Variants in FSTL1 observed in about 807,000 individuals in gnomAD.
FSTL1 encodes follistatin-related protein 1.
In FSTL1, 24 loss-of-function variants were observed where a neutral mutation model predicts 45.9. The ratio of observed to expected loss-of-function variants is 0.52; its 90% confidence interval spans 0.38 to 0.74. The LOEUF (loss-of-function observed/expected upper bound fraction) is 0.74, where lower values mean the gene tolerates loss of function less well. Ranked by LOEUF, FSTL1 falls within the 30% of genes least tolerant of loss-of-function variation. The pLI, the probability that FSTL1 is intolerant of heterozygous loss-of-function variation, is 0.00. For synonymous variants in FSTL1, 120 were observed against 137.6 expected, an observed-to-expected ratio of 0.87 and a Z score of 0.89; for missense variants, 340 against 381.8, an observed-to-expected ratio of 0.89 and a Z score of 0.91.
At chr3:120,428,768 A>G (rs1284825338) in intron 2 of FSTL1, among the ~76,000 whole-genome samples, 8 of 151,686 alleles carry the variant, frequency 5.3e-5, no homozygotes, top group Middle Eastern at 6.8e-3. Context: ...AACAACAACA[A>G]CAACAAAAAA....
intron 2 of FSTL1, among the ~76,000 whole-genome samples, chr3:120,446,784 T>G (rs1346486957): frequency 6.6e-6 from 1 of 152,180 alleles, no homozygotes; most frequent in Non-Finnish European, 1.5e-5. Flanking sequence ...TTAAGAAACG[T>G]GGCCTCAGGA....
At chr3:120,406,628 T>G (rs4676779) in intron 6 of FSTL1, among the ~76,000 whole-genome samples, 1 of 151,936 alleles carries the variant, frequency 6.6e-6, no homozygotes, top group Non-Finnish European at 1.5e-5. Flanking sequence ...CAGGCCAGAG[T>G]TGTATGTAGA....
intron 2 of FSTL1, among the ~76,000 whole-genome samples, chr3:120,444,448 G>A (rs1937693916): frequency 6.7e-6 from 1 of 149,430 alleles, no homozygotes. Context: ...TAAGGGAGAG[G>A]GTAATGGTAA....
chr3:120,444,556 T>C (rs144945463), intron 2 of FSTL1, among the ~76,000 whole-genome samples: 2,285 of 150,006 alleles, frequency 0.015, 35 homozygotes, highest in Non-Finnish European at 0.023. Flanking sequence ...GGATATTTCA[T>C]CCAGTGCCTT....
At position 120,396,152 on chromosome 3, in the gene FSTL1, C is replaced by T. The variant is rs2107646948; in HGVS notation, c.*800G>A. ...CCTGCACCAGGAAGAACCCCAAACT[C>T]CTTCCACCTATGAAGTGGTGGGACT... On this transcript the variant is annotated 3_prime_UTR_variant, in exon 11 of 11. Transcript: ENST00000295633. 1 of 146,804 alleles carries T rather than the reference C, an allele frequency of 6.8e-6. No homozygotes were observed. The allele number at this position is 146,804 out of a possible 1,614,324, so 9.1% of individuals were successfully genotyped here.
intron 2 of FSTL1, among the ~76,000 whole-genome samples, chr3:120,416,669 T>C (rs1210120460): frequency 2.0e-5 from 3 of 152,206 alleles, no homozygotes; most frequent in Non-Finnish European, 2.9e-5. Flanking sequence ...AAAAGAAGGA[T>C]GGCTAAACCA....
intron 2 of FSTL1, among the ~76,000 whole-genome samples, chr3:120,417,326 T>C (rs1046806228): frequency 2.6e-5 from 4 of 152,198 alleles, no homozygotes; most frequent in African/African-American, 7.2e-5. Flanking sequence ...CGAGCTGAGG[T>C]GCTGTATCCA....
At chr3:120,415,581 G>GT (rs1205655664) in intron 3 of FSTL1, among the ~76,000 whole-genome samples, 1 of 152,162 alleles carries the variant, frequency 6.6e-6, no homozygotes, top group Non-Finnish European at 1.5e-5. Flanking sequence ...TGTGGAACAT[G>GT]TATCAAATTG....
intron 3 of FSTL1, among the ~76,000 whole-genome samples, chr3:120,412,791 T>C (rs950684100): frequency 2.0e-5 from 3 of 148,500 alleles, no homozygotes; most frequent in Non-Finnish European, 3.0e-5. Flanking sequence ...GAGAGGCTGA[T>C]AGGCAGGCAG....
At chr3:120,429,257 G>A (rs923571269) in intron 2 of FSTL1, among the ~76,000 whole-genome samples, 1 of 152,234 alleles carries the variant, frequency 6.6e-6, no homozygotes, top group African/African-American at 2.4e-5. Context: ...AGGAGAGTTT[G>A]TGCTGAAGAG....
At chr3:120,407,197 T>A (rs1645387897) in intron 6 of FSTL1, among the ~76,000 whole-genome samples, 2 of 152,168 alleles carry the variant, frequency 1.3e-5, no homozygotes, top group South Asian at 4.1e-4. Flanking sequence ...TGTCATGAGA[T>A]CTGTTCTTGG....
At chr3:120,422,545 T>A (rs574706338) in intron 2 of FSTL1, among the ~76,000 whole-genome samples, 214 of 152,286 alleles carry the variant, frequency 1.4e-3, no homozygotes, top group Middle Eastern at 3.4e-3. Context: ...TCATTTACAG[T>A]CTCTTCAGGT....
Position 120,441,691 on chromosome 3 carries a change from C to T in FSTL1, c.63+8993G>A, listed in dbSNP as rs575524907. 1.8e-3 allele frequency among the ~76,000 whole-genome samples: 272 copies of T among 152,358 alleles called. 1 individual carries two copies. The highest frequency in any genetic ancestry group is 6.4e-3 in the African/African-American group (265 of 41,584). ...ACACATGTACACACACACACACGCA[C>T]CCATGGCTTTTGGAGTTCGTCCCCT... is the stretch of plus-strand genomic sequence containing the variant. On this transcript the variant is annotated intron_variant, in intron 2 of 10. Transcript: ENST00000295633.
intron 3 of FSTL1, among the ~76,000 whole-genome samples, chr3:120,412,503 T>C (rs1223758517): frequency 6.6e-6 from 1 of 152,186 alleles, no homozygotes; most frequent in African/African-American, 2.4e-5. Context: ...TCAAATCTGC[T>C]TGCACCTCAA....
chr3:120,419,684 G>C (rs947263183), intron 2 of FSTL1: 1 of 152,298 alleles, frequency 6.6e-6, no homozygotes, highest in African/African-American at 2.4e-5. Context: ...GATTGGGTAG[G>C]TAACATGATG....
intron 2 of FSTL1, among the ~76,000 whole-genome samples, chr3:120,432,382 C>G (rs925803762): frequency 6.6e-6 from 1 of 152,102 alleles, no homozygotes; most frequent in East Asian, 1.9e-4. Flanking sequence ...CTTATGCTGG[C>G]CAATCAGGCC....
At chr3:120,401,393 C>T (rs770036813) in intron 9 of FSTL1, among the ~76,000 whole-genome samples, 9 of 152,112 alleles carry the variant, frequency 5.9e-5, no homozygotes, top group Admixed American at 2.0e-4. Flanking sequence ...TCCTGGGCAG[C>T]GGTAGACCAG....
intron 2 of FSTL1, among the ~76,000 whole-genome samples, chr3:120,418,173 A>G (rs996866158): frequency 3.3e-5 from 5 of 152,246 alleles, no homozygotes; most frequent in Non-Finnish European, 7.3e-5. Flanking sequence ...ATAACAACTA[A>G]TATTTGAATA....
At chr3:120,437,896 G>A (rs553660870) in intron 2 of FSTL1, among the ~76,000 whole-genome samples, 44 of 152,232 alleles carry the variant, frequency 2.9e-4, no homozygotes, top group Admixed American at 6.5e-4. Flanking sequence ...CAAGTCACTT[G>A]ATTTAACCAT....
Sources: allele counts gnomAD v4.1 joint callset (sites outside exome capture counted in the v4.1 genomes callset), GRCh38; gene constraint gnomAD v4.1.1; transcripts MANE v1.5; gene names NCBI Gene and HGNC (gene_info 2026-07-23, HGNC 2026-07-21).